Variants in KCNQ3 observed in about 807,000 individuals in gnomAD.
KCNQ3 encodes potassium voltage-gated channel subfamily Q member 3.
Under a neutral mutation model 92.5 loss-of-function variants are expected in KCNQ3, and 30 were observed. The observed-to-expected ratio is 0.32, with a 90% CI of 0.24 to 0.44. KCNQ3 has a LOEUF of 0.44. Among genes scored for constraint, KCNQ3 ranks in the 20% least tolerant of loss-of-function variants. KCNQ3 has a pLI of 1.00. For synonymous variants in KCNQ3, 450 were observed against 468.8 expected (o/e 0.96, Z 0.52); for missense variants, 913 against 1,140.3 (o/e 0.80, Z 2.87).
At chr8:132,196,414 C>G (rs1827298210) in intron 1 of KCNQ3, among the ~76,000 whole-genome samples, 1 of 152,328 alleles carries the variant, frequency 6.6e-6, no homozygotes, top group African/African-American at 2.4e-5. Context: ...TCCACCCATT[C>G]CTTGACATGC....
At chr8:132,320,265 G>A (rs1046105240) in intron 1 of KCNQ3, among the ~76,000 whole-genome samples, 4 of 152,154 alleles carry the variant, frequency 2.6e-5, no homozygotes, top group African/African-American at 7.2e-5. Context: ...ATGTGACCTT[G>A]CACAAGCTAC....
intron 1 of KCNQ3, among the ~76,000 whole-genome samples, chr8:132,281,516 G>A (rs1439398742): frequency 1.8e-5 from 2 of 114,044 alleles, no homozygotes; most frequent in East Asian, 7.3e-4. Context: ...CATATATATG[G>A]AATCTGTGTG....
Position 132,174,295 on chromosome 8 carries a change from G to A in KCNQ3, c.988C>T (p.Arg330Cys), listed in dbSNP as rs118192251. The stretch of plus-strand genomic sequence containing the variant: ...AAGGAAAAGGTGGCGGCAATCAGAC[G>A]GCCTTCCCACGTTTTGGGTGTCTTG... ...GDKTPKTWEG[R>C]LIAATFSLIG... Residue 330 changes from arginine to cysteine, a missense_variant, in exon 6 of 15, where the codon CGT becomes TGT. Arg to Cys is a radical substitution (Grantham distance 180). Around this residue, in one of 6 missense-constraint regions of KCNQ3, gnomAD observed 52 missense variants for 127.7 expected, o/e 0.41. Transcript: ENST00000388996. 2 of 1,552,272 alleles carry A rather than the reference G, an allele frequency of 1.3e-6. No homozygotes were observed. Among genetic ancestry groups the A allele is most frequent in the Non-Finnish European group, 1.7e-6 (2 of 1,147,326 alleles).
intron 1 of KCNQ3, among the ~76,000 whole-genome samples, chr8:132,439,739 G>A (rs1821487468): frequency 6.6e-6 from 1 of 152,162 alleles, no homozygotes; most frequent in Non-Finnish European, 1.5e-5. Flanking sequence ...GGAAAAAGCA[G>A]GGTAACAGGT....
intron 1 of KCNQ3, among the ~76,000 whole-genome samples, chr8:132,222,401 G>A (rs188481476): frequency 9.2e-5 from 14 of 152,322 alleles, no homozygotes; most frequent in East Asian, 3.9e-4. Flanking sequence ...GAGTGAGTGC[G>A]TATATAGTAA....
chr8:132,160,293 G>A (rs977763622), intron 9 of KCNQ3, among the ~76,000 whole-genome samples: 1 of 152,230 alleles, frequency 6.6e-6, no homozygotes, highest in Non-Finnish European at 1.5e-5. Flanking sequence ...GCAGAGTCCA[G>A]CTGATGCGGA....
intron 1 of KCNQ3, among the ~76,000 whole-genome samples, chr8:132,454,537 G>A (rs867490563): frequency 1.1e-4 from 16 of 152,000 alleles, no homozygotes; most frequent in South Asian, 2.1e-4. Context: ...GAGTACCTCC[G>A]TTTTACAGAC....
chr8:132,186,956 CAGAGAGAG>C (rs1160355665), intron 1 of KCNQ3, among the ~76,000 whole-genome samples: 12 of 94,236 alleles, frequency 1.3e-4, no homozygotes, highest in African/African-American at 4.8e-4. Flanking sequence ...GAGAGAGAGA[CAGAGAGAG>C]AGAGAGAGAG....
intron 9 of KCNQ3, among the ~76,000 whole-genome samples, chr8:132,158,777 T>A (rs944025231): frequency 1.3e-5 from 2 of 152,246 alleles, no homozygotes; most frequent in Admixed American, 1.3e-4. Context: ...CTTACAACTA[T>A]GCCGGGGAAG....
chr8:132,140,656 G>A, intron 10 of KCNQ3: 1 of 254,218 alleles, frequency 3.9e-6, no homozygotes, highest in East Asian at 1.0e-4. Flanking sequence ...GCCTGGGTGG[G>A]CTCAGACACT....
chr8:132,207,449 G>A (rs978221929), intron 1 of KCNQ3, among the ~76,000 whole-genome samples: 2 of 152,164 alleles, frequency 1.3e-5, no homozygotes, highest in African/African-American at 4.8e-5. Context: ...AGGAAGAGAG[G>A]TTCTAGGAAA....
intron 1 of KCNQ3, among the ~76,000 whole-genome samples, chr8:132,453,968 C>G (rs746986571): frequency 2.6e-5 from 4 of 152,172 alleles, no homozygotes; most frequent in African/African-American, 9.7e-5. Context: ...GAACTCAGCT[C>G]GGACACTGCA....
chr8:132,129,680 G>A lies in KCNQ3; in HGVS notation c.2201C>T (p.Pro734Leu). 5 of 1,614,160 alleles carry A rather than the reference G, an allele frequency of 3.1e-6. No individual in the cohort carries two copies. The highest frequency in any genetic ancestry group is 4.2e-6 in the Non-Finnish European group (5 of 1,180,030). Residue 734 changes from proline to leucine, a missense_variant, in exon 15 of 15, where the codon CCT becomes CTT. Around this residue, in one of 6 missense-constraint regions of KCNQ3, gnomAD observed 375 missense variants for 376.4 expected, o/e 1.00. Transcript: ENST00000388996. This position sits in a 1 kb window ranked among gnomAD's most constrained non-coding sequence, Gnocchi z 5.9. Reference sequence around the variant, plus strand: ...CACATACGTTGTTGCTGAGGAAGGAGGAGTTGCCTGAACCTTTCCAGAACT... The same window carrying A: ...CACATACGTTGTTGCTGAGGAAGGAAGAGTTGCCTGAACCTTTCCAGAACT... Reference protein sequence around the residue: ...GPSSGKVQATPPSSATTYVER... With the variant: ...GPSSGKVQATLPSSATTYVER...
At chr8:132,142,927 C>T (rs150443917) in intron 9 of KCNQ3, among the ~76,000 whole-genome samples, 25 of 152,266 alleles carry the variant, frequency 1.6e-4, no homozygotes, top group African/African-American at 4.6e-4. Flanking sequence ...TCTGTCATGG[C>T]GGCCTAACAA....
chr8:132,309,746 C>A (rs1817535625), intron 1 of KCNQ3, among the ~76,000 whole-genome samples: 1 of 152,180 alleles, frequency 6.6e-6, no homozygotes, highest in African/African-American at 2.4e-5. Flanking sequence ...CAGGACAAAT[C>A]CCCATCCCTT....
intron 1 of KCNQ3, among the ~76,000 whole-genome samples, chr8:132,386,917 A>C (rs1304938144): frequency 6.6e-6 from 1 of 152,194 alleles, no homozygotes; most frequent in African/African-American, 2.4e-5. Flanking sequence ...TATGATTTAA[A>C]AAACAAAGAA....
At chr8:132,140,013 C>T in intron 11 of KCNQ3, 63 bp downstream of exon 11, 1 of 1,134,022 alleles carries the variant, frequency 8.8e-7, no homozygotes, top group Non-Finnish European at 1.3e-6. Flanking sequence ...AAGCCCCTTC[C>T]TGTGGGAGTT....
intron 1 of KCNQ3, among the ~76,000 whole-genome samples, chr8:132,479,792 T>C (rs565568458): frequency 7.8e-4 from 118 of 152,092 alleles, no homozygotes; most frequent in African/African-American, 2.8e-3. Context: ...ACCCTCACAT[T>C]AATTGGAAAA....
chr8:132,151,732 G>T (rs1825641518), intron 9 of KCNQ3, among the ~76,000 whole-genome samples: 1 of 152,280 alleles, frequency 6.6e-6, no homozygotes, highest in East Asian at 1.9e-4. Flanking sequence ...TAACAGGCTT[G>T]CCCAAATCAA....
Sources: gnomAD v4.1 joint callset for allele counts (sites outside exome capture counted in the v4.1 genomes callset) on GRCh38, gnomAD v4.1.1 for gene constraint, gnomAD v4.1.1 regional missense constraint, Gnocchi (gnomAD v3.1) non-coding constraint, MANE v1.5 for transcripts, NCBI Gene and HGNC (gene_info 2026-07-23, HGNC 2026-07-21) for gene names.